DPP6: variants seen among roughly 807,000 people sequenced by gnomAD.
DPP6 encodes dipeptidyl peptidase like 6, also known as A-type potassium channel modulatory protein DPP6.
DPP6 carries 69 observed loss-of-function variants against 122.6 expected under a neutral mutation model. The observed-to-expected ratio is 0.56, with a 90% CI of 0.46 to 0.69. DPP6 has a LOEUF of 0.69. Among genes scored for constraint, DPP6 ranks in the 30% least tolerant of loss-of-function variants. The pLI is 0.00. For synonymous variants in DPP6, 418 were observed against 433.1 expected (o/e 0.97, Z 0.43); for missense variants, 928 against 1,116.9 (o/e 0.83, Z 2.41).
rs1818020470 is a variant in DPP6, at chr7:154,427,617, A to C, written c.244-18597A>C. On this transcript the variant is annotated intron_variant, in intron 1 of 25. Transcript: ENST00000377770. ...CATTGATTTTCACCAATAACTGAATAGATATAAAGCCTATTTTTCTTCTTT... is the reference window on the plus strand; with the variant it reads ...CATTGATTTTCACCAATAACTGAATCGATATAAAGCCTATTTTTCTTCTTT... Among the ~76,000 whole-genome samples, 4 of 152,214 alleles carry C rather than the reference A, an allele frequency of 2.6e-5. No individual in the cohort carries two copies. The South Asian group carries it at 8.3e-4, about 32-fold the overall frequency.
intron 1 of DPP6, among the ~76,000 whole-genome samples, chr7:154,216,704 G>A (rs1800019379): frequency 6.6e-6 from 1 of 152,170 alleles, no homozygotes; most frequent in Non-Finnish European, 1.5e-5. Context: ...CTGAGTCCCA[G>A]GAGGAAGACA....
At chr7:154,112,506 G>A (rs543229172) in intron 1 of DPP6, among the ~76,000 whole-genome samples, 7 of 152,078 alleles carry the variant, frequency 4.6e-5, no homozygotes, top group South Asian at 4.2e-4. Flanking sequence ...TTAGCCAGGC[G>A]TGGTGGCACA....
chr7:154,686,094 A>G (rs925189109), intron 7 of DPP6, among the ~76,000 whole-genome samples: 2 of 7,004 alleles, frequency 2.9e-4, no homozygotes, highest in South Asian at 0.031. Context: ...CCACCATGCT[A>G]GGCACTCAGT....
chr7:154,862,535 C>T (rs906462319), intron 17 of DPP6, among the ~76,000 whole-genome samples: 5 of 152,234 alleles, frequency 3.3e-5, no homozygotes, highest in East Asian at 1.9e-4. Flanking sequence ...TGGAGCTGCA[C>T]GCCCTGCAGG....
At chr7:153,863,346 G>C in the DPP6 span, among the ~76,000 whole-genome samples, 2 of 152,112 alleles carry the variant, frequency 1.3e-5, no homozygotes, top group African/African-American at 4.8e-5. Context: ...GATGGGCATT[G>C]GGGTTGGTTC....
chr7:153,809,096 GGTGAA>G, the DPP6 span, among the ~76,000 whole-genome samples: 7 of 151,902 alleles, frequency 4.6e-5, no homozygotes, highest in Non-Finnish European at 8.8e-5. Flanking sequence ...CATCCTAACG[GGTGAA>G]GTGATGTCAC....
chr7:153,837,837 ATTT>A, the DPP6 span, among the ~76,000 whole-genome samples: 8 of 80,630 alleles, frequency 9.9e-5, 1 homozygote, highest in Admixed American at 3.1e-4. Flanking sequence ...TGCCTGGTTA[ATTT>A]TTTTTTTTTT....
At chr7:154,122,124 C>A (rs183956890) in intron 1 of DPP6, among the ~76,000 whole-genome samples, 1 of 152,206 alleles carries the variant, frequency 6.6e-6, no homozygotes, top group Non-Finnish European at 1.5e-5. Flanking sequence ...GGACTCATTT[C>A]TCTCCAGACC....
intron 1 of DPP6, among the ~76,000 whole-genome samples, chr7:154,315,017 C>T (rs895146716): frequency 1.3e-4 from 20 of 152,082 alleles, no homozygotes; most frequent in African/African-American, 3.6e-4. Flanking sequence ...GTGCTGGATG[C>T]ATGAGGTTGT....
At chr7:154,409,168 C>T (rs2151201897) in intron 1 of DPP6, among the ~76,000 whole-genome samples, 1 of 152,212 alleles carries the variant, frequency 6.6e-6, no homozygotes, top group South Asian at 2.1e-4. Flanking sequence ...TTCCCAATAC[C>T]TCAGAATGTG....
At chr7:154,059,675 G>T (rs1207948820) in intron 1 of DPP6, 2 of 149,902 alleles carry the variant, frequency 1.3e-5, no homozygotes, top group Non-Finnish European at 2.9e-5. Flanking sequence ...AGTTTTTCAT[G>T]AGTTACAAGA....
intron 1 of DPP6, among the ~76,000 whole-genome samples, chr7:154,285,259 TTTG>T (rs542703917): frequency 1.3e-4 from 20 of 152,154 alleles, no homozygotes; most frequent in East Asian, 1.9e-4. Flanking sequence ...ATCATACTAG[TTTG>T]TTGTTGTTGT....
At chr7:154,836,200 C>G (rs1005117174) in intron 16 of DPP6, among the ~76,000 whole-genome samples, 8 of 152,256 alleles carry the variant, frequency 5.3e-5, no homozygotes, top group African/African-American at 1.9e-4. Flanking sequence ...AGAAGCATCT[C>G]TGGTTCTGGA....
intron 3 of DPP6, among the ~76,000 whole-genome samples, chr7:154,533,576 C>A (rs1828010440): frequency 6.6e-6 from 1 of 152,116 alleles, no homozygotes; most frequent in African/African-American, 2.4e-5. Flanking sequence ...CACTTCCCAA[C>A]TTATTTTATG....
At chr7:154,295,937 G>A (rs1386607661) in intron 1 of DPP6, among the ~76,000 whole-genome samples, 1 of 135,204 alleles carries the variant, frequency 7.4e-6, no homozygotes, top group Non-Finnish European at 1.5e-5. Context: ...TGCATAAACA[G>A]TTGCTTCTTT....
At chr7:154,857,257 T>A (rs1487266314) in intron 17 of DPP6, among the ~76,000 whole-genome samples, 1 of 152,164 alleles carries the variant, frequency 6.6e-6, no homozygotes, top group African/African-American at 2.4e-5. Flanking sequence ...TTGCTCAGTG[T>A]CTATGTTACA....
the DPP6 span, among the ~76,000 whole-genome samples, chr7:153,838,646 C>T: frequency 1.3e-5 from 2 of 152,116 alleles, no homozygotes; most frequent in Non-Finnish European, 1.5e-5. Flanking sequence ...AGTGAAATAG[C>T]GTATAGTAAG....
the DPP6 span, among the ~76,000 whole-genome samples, chr7:153,773,264 C>CGTGTGTGT: frequency 9.8e-3 from 1,298 of 132,440 alleles, 25 homozygotes; most frequent in South Asian, 0.017. Context: ...TCTTTTCTTT[C>CGTGTGTGT]GTGTGTGTGT....
chr7:154,121,431 T>C (rs904870520), intron 1 of DPP6, among the ~76,000 whole-genome samples: 9 of 152,200 alleles, frequency 5.9e-5, no homozygotes, highest in African/African-American at 2.2e-4. Context: ...CCAATTACTG[T>C]TTTTATTGCA....
Sources: allele counts gnomAD v4.1 joint callset (sites outside exome capture counted in the v4.1 genomes callset), GRCh38; gene constraint gnomAD v4.1.1; transcripts MANE v1.5; gene names NCBI Gene and HGNC (gene_info 2026-07-23, HGNC 2026-07-21).